Variants in MEIS1 observed in about 807,000 individuals in gnomAD.
MEIS1 encodes Meis homeobox 1.
In MEIS1, 5 loss-of-function variants were observed where a neutral mutation model predicts 50.8. The ratio of observed to expected loss-of-function variants is 0.10; its 90% CI spans 0.05 to 0.21. MEIS1 has a LOEUF of 0.21. Ranked by LOEUF, MEIS1 falls within the 10% of genes least tolerant of loss-of-function variation. The pLI is 1.00. For missense variants in MEIS1, 318 were observed against 517.3 expected (o/e 0.61, Z 3.74); for synonymous variants, 176 against 179.3 (o/e 0.98, Z 0.15).
At chr2:66,455,663 C>A (rs1015048870) in intron 6 of MEIS1, among the ~76,000 whole-genome samples, 1 of 152,292 alleles carries the variant, frequency 6.6e-6, no homozygotes, top group African/African-American at 2.4e-5. Flanking sequence ...TCAGTCCTGG[C>A]TTCCTAAGGT....
chr2:66,471,987 G>C (rs761451819), intron 7 of MEIS1, among the ~76,000 whole-genome samples: 10 of 152,206 alleles, frequency 6.6e-5, no homozygotes, highest in Non-Finnish European at 1.5e-4. Context: ...TAAAAACCCA[G>C]GTCTTAATCT....
rs1674656977 is a variant in MEIS1, at chr2:66,541,728, A to G, written c.889-6215A>G. Among the ~76,000 whole-genome samples the G allele has an allele frequency of 2.6e-5, 4 of 152,210 alleles. No homozygotes were observed. In the South Asian group the frequency reaches 6.2e-4, roughly 24 times the overall value. On this transcript the variant is annotated intron_variant, in intron 8 of 12. Coordinates refer to ENST00000272369, the MANE Select transcript of MEIS1 (RefSeq NM_002398.3). Reference sequence around the variant, plus strand: ...CTATGACTCTACTGATGATGCTCCAAACATTTCTGGCTTCTTAGCCAGTCC... The same window carrying G: ...CTATGACTCTACTGATGATGCTCCAGACATTTCTGGCTTCTTAGCCAGTCC...
chr2:66,557,087 A>G (rs11688578), intron 9 of MEIS1, among the ~76,000 whole-genome samples: 35,465 of 152,108 alleles, frequency 0.23, 4,652 homozygotes, highest in Middle Eastern at 0.3. Context: ...TTGATGTGTC[A>G]AAAGGGAGCA....
At chr2:66,484,608 G>T (rs1291165289) in intron 7 of MEIS1, among the ~76,000 whole-genome samples, 2 of 151,648 alleles carry the variant, frequency 1.3e-5, no homozygotes, top group African/African-American at 4.9e-5. Flanking sequence ...GCCCAGGCTG[G>T]AGTGCAATGG....
intron 7 of MEIS1, 88 bp downstream of exon 7, chr2:66,464,308 G>T: frequency 9.5e-7 from 1 of 1,054,898 alleles, no homozygotes; most frequent in Non-Finnish European, 1.4e-6. Context: ...TAAGTATACA[G>T]TTTTTCCTAG....
chr2:66,458,160 A>G (rs186848387), intron 6 of MEIS1, among the ~76,000 whole-genome samples: 34 of 152,122 alleles, frequency 2.2e-4, no homozygotes, highest in Admixed American at 2.0e-3. Flanking sequence ...AGAAAAAAAA[A>G]CTCTATTTTT....
intron 7 of MEIS1, among the ~76,000 whole-genome samples, chr2:66,472,709 AC>A (rs1444666801): frequency 6.6e-6 from 1 of 152,156 alleles, no homozygotes; most frequent in Non-Finnish European, 1.5e-5. Flanking sequence ...GGACAGCACT[AC>A]CTTGGTAGGT....
At chr2:66,488,350 T>C (rs562379904) in intron 7 of MEIS1, among the ~76,000 whole-genome samples, 12 of 152,274 alleles carry the variant, frequency 7.9e-5, no homozygotes, top group African/African-American at 2.9e-4. Flanking sequence ...TTGGATGAAA[T>C]ATATACTTCT....
intron 7 of MEIS1, among the ~76,000 whole-genome samples, chr2:66,474,025 C>T (rs1672830763): frequency 6.6e-6 from 1 of 152,156 alleles, no homozygotes; most frequent in Non-Finnish European, 1.5e-5. Flanking sequence ...AGTTGTTATA[C>T]TGTATTGTTT....
chr2:66,548,229 A>T (rs1306357432), intron 9 of MEIS1, among the ~76,000 whole-genome samples: 1 of 152,206 alleles, frequency 6.6e-6, no homozygotes, highest in East Asian at 1.9e-4. Flanking sequence ...CCTCCTTTAT[A>T]AGTTGACAAT....
intron 1 of MEIS1, among the ~76,000 whole-genome samples, chr2:66,436,255 G>T (rs1671794169): frequency 6.6e-6 from 1 of 152,146 alleles, no homozygotes; most frequent in African/African-American, 2.4e-5. Flanking sequence ...TATTGATTAT[G>T]CTCATCTTTA....
chr2:66,533,492 G>A (rs1183293152), intron 8 of MEIS1, among the ~76,000 whole-genome samples: 1 of 152,184 alleles, frequency 6.6e-6, no homozygotes, highest in Non-Finnish European at 1.5e-5. Flanking sequence ...TACACTGTCA[G>A]TGTCACCTCT....
chr2:66,524,588 A>G (rs888625512), intron 8 of MEIS1, among the ~76,000 whole-genome samples: 1 of 152,134 alleles, frequency 6.6e-6, no homozygotes, highest in Non-Finnish European at 1.5e-5. Context: ...AATTTAAAAA[A>G]TTAAAAAAAA....
chr2:66,509,867 G>A (rs774893177), intron 7 of MEIS1, among the ~76,000 whole-genome samples: 3 of 152,180 alleles, frequency 2.0e-5, no homozygotes, highest in Admixed American at 2.0e-4. Flanking sequence ...ATCTCTGCTG[G>A]ATTATAGTAG....
intron 8 of MEIS1, among the ~76,000 whole-genome samples, chr2:66,542,324 C>T (rs1376592965): frequency 1.3e-5 from 2 of 151,732 alleles, no homozygotes; most frequent in Non-Finnish European, 2.9e-5. Context: ...CCATCACATA[C>T]CAGAGTTTAG....
At chr2:66,561,872 G>C (rs977071996) in intron 9 of MEIS1, among the ~76,000 whole-genome samples, 3 of 152,004 alleles carry the variant, frequency 2.0e-5, no homozygotes, top group Non-Finnish European at 4.4e-5. Flanking sequence ...TTGTTTGGAG[G>C]CAACACCATT....
chr2:66,438,208 A>T (rs1671850058), intron 2 of MEIS1, among the ~76,000 whole-genome samples: 2 of 152,230 alleles, frequency 1.3e-5, no homozygotes, highest in African/African-American at 4.8e-5. Flanking sequence ...GGGGTCCCAG[A>T]TGAGAAGAAG....
chr2:66,440,166 C>T (rs57991599), intron 3 of MEIS1, 182 bp downstream of exon 3: 23,425 of 655,036 alleles, frequency 0.036, 719 homozygotes, highest in African/African-American at 0.12. Flanking sequence ...CAGATTTTCT[C>T]TCTGTCTGAG....
intron 7 of MEIS1, among the ~76,000 whole-genome samples, chr2:66,504,551 G>A (rs1335506928): frequency 6.6e-6 from 1 of 151,940 alleles, no homozygotes; most frequent in East Asian, 1.9e-4. Context: ...ACAATTTCTT[G>A]TCACCATTTA....
Sources: allele counts gnomAD v4.1 joint callset (sites outside exome capture counted in the v4.1 genomes callset), GRCh38; gene constraint gnomAD v4.1.1; transcripts MANE v1.5; gene names NCBI Gene and HGNC (gene_info 2026-07-23, HGNC 2026-07-21).